DPM1: variants seen among roughly 807,000 people sequenced by gnomAD.
The protein encoded by DPM1 is dolichyl-phosphate mannosyltransferase subunit 1, catalytic.
DPM1 carries 27 observed loss-of-function variants against 39.0 expected under a neutral mutation model. The observed-to-expected ratio is 0.69, with a 90% confidence interval of 0.51 to 0.95. DPM1 has a LOEUF of 0.95. DPM1 is among the 40% of genes least tolerant of loss of function. The pLI, the probability that DPM1 is intolerant of heterozygous loss-of-function variation, is 0.00. For synonymous variants in DPM1, 124 were observed against 109.0 expected (o/e 1.14, Z -0.86); for missense variants, 307 against 315.6 (o/e 0.97, Z 0.21).
chr20:50,953,933 C>T (rs932835327), intron 2 of DPM1, among the ~76,000 whole-genome samples: 1 of 152,166 alleles, frequency 6.6e-6, no homozygotes. Context: ...AATTTGTCAA[C>T]TTTTTACCTC....
intron 1 of DPM1, among the ~76,000 whole-genome samples, chr20:50,957,665 G>A (rs1986900407): frequency 6.6e-6 from 1 of 152,190 alleles, no homozygotes; most frequent in African/African-American, 2.4e-5. Flanking sequence ...AATTTGCTAT[G>A]TTTGTACATG....
intron 2 of DPM1, among the ~76,000 whole-genome samples, chr20:50,949,949 T>A (rs1298955779): frequency 1.3e-5 from 2 of 152,222 alleles, no homozygotes; most frequent in Non-Finnish European, 2.9e-5. Flanking sequence ...ATTTAATCCC[T>A]TTATATCCAA....
Position 50,935,177 on chromosome 20 carries a change from T to C in DPM1, c.738A>G (p.Ile246Met). The change falls in exon 9 of 9, where the codon ATA (isoleucine) becomes ATG (methionine). Residue 246 changes from isoleucine to methionine, a missense_variant. Physicochemically the swap from Ile to Met is conservative, Grantham distance 10. Around this residue, in one of 3 missense-constraint regions of DPM1, gnomAD observed 70 missense variants for 69.4 expected, o/e 1.01. Coordinates refer to ENST00000371588, the MANE Select transcript of DPM1 (RefSeq NM_003859.3). ...YGESKLGGNEIVSFLKGLLTL... is the reference protein window; with the variant it reads ...YGESKLGGNEMVSFLKGLLTL... ...TCAATAATCCTTTCAAGAAAGATAC[T>C]ATTTCATTTCCTCCCAACTTGGATT... is the stretch of plus-strand genomic sequence containing the variant. The C allele has an allele frequency of 6.2e-7, 1 of 1,609,800 alleles. No individual in the cohort carries two copies. Among genetic ancestry groups the C allele is most frequent in the Non-Finnish European group, 8.5e-7 (1 of 1,176,634 alleles).
intron 5 of DPM1, chr20:50,944,305 T>G (rs570595425): frequency 7.9e-5 from 12 of 152,360 alleles, no homozygotes; most frequent in Non-Finnish European, 1.3e-4. Context: ...CCATTTGGAT[T>G]TCTTCTATAG....
At chr20:50,951,205 C>T (rs1166901438) in intron 2 of DPM1, among the ~76,000 whole-genome samples, 1 of 152,118 alleles carries the variant, frequency 6.6e-6, no homozygotes, top group Non-Finnish European at 1.5e-5. Context: ...AAAGCAAAAC[C>T]ATGGACAAGG....
intron 1 of DPM1, among the ~76,000 whole-genome samples, chr20:50,957,883 G>C (rs950687819): frequency 6.6e-6 from 1 of 152,118 alleles, no homozygotes; most frequent in Non-Finnish European, 1.5e-5. Flanking sequence ...ATGCTCTTCT[G>C]CTTTCTCCTT....
intron 5 of DPM1, among the ~76,000 whole-genome samples, chr20:50,943,745 T>C (rs1307189772): frequency 6.6e-6 from 1 of 151,058 alleles, no homozygotes; most frequent in African/African-American, 2.4e-5. Flanking sequence ...TGAGTATTTT[T>C]TTTTTTTTTT....
chr20:50,940,742 G>A lies in DPM1; in HGVS notation c.563+123C>T, dbSNP rs1252324503. 9.7e-6 allele frequency: 8 copies of A among 822,554 alleles called. No homozygotes were observed. The African/African-American group carries it at 1.2e-4, about 12-fold the overall frequency. 51.0% of individuals were successfully genotyped at this position (822,554 alleles called of 1,614,324 possible). On this transcript the variant is annotated intron_variant, in intron 7 of 8. Transcript: ENST00000371588. The stretch of plus-strand genomic sequence containing the variant: ...TCATTAGCAACTTCTAGGAATTTTA[G>A]TCTGCCTTTTTAGTATCCCAGAATA...
intron 5 of DPM1, among the ~76,000 whole-genome samples, chr20:50,943,890 C>T (rs1402999823): frequency 6.6e-6 from 1 of 152,022 alleles, no homozygotes; most frequent in East Asian, 1.9e-4. Context: ...CAGGTGCACA[C>T]CACCATGCCT....
At chr20:50,951,089 AAT>A (rs933596499) in intron 2 of DPM1, among the ~76,000 whole-genome samples, 1 of 152,238 alleles carries the variant, frequency 6.6e-6, no homozygotes, top group African/African-American at 2.4e-5. Context: ...AAAATAAAAC[AAT>A]TACAACAATA....
Position 50,958,462 on chromosome 20 carries a change from C to G in DPM1, c.62G>C (p.Ser21Thr), listed in dbSNP as rs769392251. The change falls in exon 1 of 9, where the codon AGT (serine) becomes ACT (threonine). Residue 21 changes from serine to threonine, a missense_variant. Transcript: ENST00000371588. The stretch of plus-strand genomic sequence containing the variant: ...CACCGAATATTTGTTCTGTCGTGGA[C>G]TGCGCACTTCCAGCTCCCGCCGAGA... ...RRSRRELEVR[S>T]PRQNKYSVLL... The G allele has an allele frequency of 6.2e-7, 1 of 1,613,882 alleles. No homozygotes were observed. The highest frequency in any genetic ancestry group is 1.7e-5 in the Admixed American group (1 of 60,010).
chr20:50,956,494 C>A (rs1367245406), intron 1 of DPM1, among the ~76,000 whole-genome samples: 1 of 150,716 alleles, frequency 6.6e-6, no homozygotes, highest in Non-Finnish European at 1.5e-5. Flanking sequence ...CCACCGCACT[C>A]CAGCCTGGGC....
Position 50,936,136 on chromosome 20 carries a change from T to A in DPM1, c.678+12A>T, listed in dbSNP as rs1161254032. On this transcript the variant is annotated intron_variant, in intron 8 of 8. Transcript: ENST00000371588. ...CAGGAACATGACACACTATTTAGCATCAGTTGCATACCTCGCCAATAGTAT... is the reference window on the plus strand; with the variant it reads ...CAGGAACATGACACACTATTTAGCAACAGTTGCATACCTCGCCAATAGTAT... The A allele has an allele frequency of 5.8e-6, 9 of 1,562,372 alleles. No homozygotes were observed. The highest frequency in any genetic ancestry group is 1.7e-4 in the Middle Eastern group (1 of 5,926).
chr20:50,938,424 C>T (rs1274348647), intron 7 of DPM1, among the ~76,000 whole-genome samples: 4 of 150,076 alleles, frequency 2.7e-5, no homozygotes, highest in African/African-American at 7.4e-5. Context: ...CTCACTCTGT[C>T]GCCCAGGCTA....
At chr20:50,949,783 T>C (rs1986484060) in intron 2 of DPM1, among the ~76,000 whole-genome samples, 1 of 151,618 alleles carries the variant, frequency 6.6e-6, no homozygotes, top group Admixed American at 6.6e-5. Flanking sequence ...TTTTTCACTA[T>C]ATGCAATCTG....
At chr20:50,949,033 G>T (rs1024080822) in intron 2 of DPM1, among the ~76,000 whole-genome samples, 2 of 151,950 alleles carry the variant, frequency 1.3e-5, no homozygotes, top group African/African-American at 4.8e-5. Context: ...GCTAATTTTC[G>T]TATTTTTAGT....
At chr20:50,943,356 T>C (rs1200735480) in intron 5 of DPM1, among the ~76,000 whole-genome samples, 1 of 151,676 alleles carries the variant, frequency 6.6e-6, no homozygotes, top group Non-Finnish European at 1.5e-5. Flanking sequence ...ATAAACTTTT[T>C]TTGTTTTGTT....
chr20:50,950,172 T>C (rs1986503038), intron 2 of DPM1, among the ~76,000 whole-genome samples: 1 of 152,230 alleles, frequency 6.6e-6, no homozygotes, highest in Non-Finnish European at 1.5e-5. Flanking sequence ...ACCCATCTTA[T>C]AGTGATAACA....
intron 1 of DPM1, among the ~76,000 whole-genome samples, chr20:50,957,388 C>A (rs2045952203): frequency 6.6e-6 from 1 of 152,288 alleles, no homozygotes; most frequent in Admixed American, 6.5e-5. Context: ...AGCAATCCTA[C>A]CTCGAAGAAT....
Sources: allele counts gnomAD v4.1 joint callset (sites outside exome capture counted in the v4.1 genomes callset), GRCh38; gene constraint gnomAD v4.1.1; regional missense constraint gnomAD v4.1.1; transcripts MANE v1.5; gene names NCBI Gene and HGNC (gene_info 2026-07-23, HGNC 2026-07-21).